Variants in ATOSA observed in about 807,000 individuals in gnomAD.
ATOSA encodes the protein atos homolog A.
the ATOSA span, among the ~76,000 whole-genome samples, chr15:52,626,813 T>C: frequency 6.6e-6 from 1 of 152,300 alleles, no homozygotes; most frequent in Non-Finnish European, 1.5e-5. Context: ...GGAAGAATTA[T>C]GGACAGAGTT....
the ATOSA span, among the ~76,000 whole-genome samples, chr15:52,592,317 G>GT: frequency 3.6e-4 from 55 of 152,220 alleles, no homozygotes; most frequent in African/African-American, 1.2e-3. Flanking sequence ...TTTCTCAAAA[G>GT]TAACACCTAA....
the ATOSA span, chr15:52,609,394 G>A: frequency 1.9e-6 from 3 of 1,613,876 alleles, no homozygotes; most frequent in Non-Finnish European, 2.5e-6. Flanking sequence ...CATGTTGAAT[G>A]ACTGCCGGGG....
At chr15:52,595,333 A>G in the ATOSA span, among the ~76,000 whole-genome samples, 2 of 152,206 alleles carry the variant, frequency 1.3e-5, no homozygotes, top group Non-Finnish European at 1.5e-5. Context: ...TTGTATTCCT[A>G]GCACATAGTA....
chr15:52,581,352 A>C, the ATOSA span: 2 of 152,256 alleles, frequency 1.3e-5, no homozygotes, highest in African/African-American at 4.8e-5. Flanking sequence ...TACAATATAA[A>C]TACTAATTTG....
At chr15:52,583,579 T>A in the ATOSA span, among the ~76,000 whole-genome samples, 1 of 152,116 alleles carries the variant, frequency 6.6e-6, no homozygotes, top group African/African-American at 2.4e-5. Flanking sequence ...AGAGATGGGG[T>A]TTCACCATGT....
chr15:52,618,040 A>G, the ATOSA span, among the ~76,000 whole-genome samples: 141 of 48,378 alleles, frequency 2.9e-3, no homozygotes, highest in African/African-American at 9.4e-3. Flanking sequence ...CCCCTCATCA[A>G]TTTTTCCTTT....
At chr15:52,660,061 T>G in the ATOSA span, among the ~76,000 whole-genome samples, 1 of 152,190 alleles carries the variant, frequency 6.6e-6, no homozygotes, top group African/African-American at 2.4e-5. Flanking sequence ...TATGTTAAAT[T>G]TTTTAAGCGT....
chr15:52,705,972 C>T, the ATOSA span, among the ~76,000 whole-genome samples: 1 of 151,924 alleles, frequency 6.6e-6, no homozygotes, highest in Non-Finnish European at 1.5e-5. Context: ...ATTTATTTAC[C>T]TACTCTCTGA....
At chr15:52,702,558 G>C in the ATOSA span, among the ~76,000 whole-genome samples, 1 of 152,016 alleles carries the variant, frequency 6.6e-6, no homozygotes, top group Non-Finnish European at 1.5e-5. Context: ...GCCAAAGATT[G>C]GGTACTCATG....
the ATOSA span, among the ~76,000 whole-genome samples, chr15:52,591,318 C>A: frequency 1.3e-5 from 2 of 152,186 alleles, no homozygotes; most frequent in Non-Finnish European, 2.9e-5. Flanking sequence ...GCAACCTCTG[C>A]CTCCCGGGTT....
At chr15:52,673,634 G>T in the ATOSA span, among the ~76,000 whole-genome samples, 4 of 152,164 alleles carry the variant, frequency 2.6e-5, no homozygotes, top group African/African-American at 9.7e-5. Context: ...ACCTCTACCT[G>T]GGAATTTAGC....
At chr15:52,694,460 C>T in the ATOSA span, among the ~76,000 whole-genome samples, 4 of 151,970 alleles carry the variant, frequency 2.6e-5, no homozygotes, top group East Asian at 1.9e-4. Context: ...CCACCGCACC[C>T]GGCCTGCTGA....
At chr15:52,687,116 A>G in the ATOSA span, among the ~76,000 whole-genome samples, 2 of 152,262 alleles carry the variant, frequency 1.3e-5, no homozygotes, top group Non-Finnish European at 1.5e-5. Context: ...ATGTTAATAA[A>G]TAATTGCGGC....
the ATOSA span, among the ~76,000 whole-genome samples, chr15:52,661,956 CA>C: frequency 5.3e-5 from 5 of 94,098 alleles, no homozygotes; most frequent in Admixed American, 1.0e-4. Context: ...AAAAAAACAG[CA>C]AAAAAAAGGA....
the ATOSA span, among the ~76,000 whole-genome samples, chr15:52,693,302 C>A: frequency 6.6e-6 from 1 of 152,106 alleles, no homozygotes; most frequent in Admixed American, 6.5e-5. Context: ...TACCTGTAAT[C>A]TCAGCTACTT....
At chr15:52,599,786 C>A in the ATOSA span, among the ~76,000 whole-genome samples, 1 of 152,138 alleles carries the variant, frequency 6.6e-6, no homozygotes, top group Non-Finnish European at 1.5e-5. Flanking sequence ...GAGGGGGCTG[C>A]TATTAGCCCA....
the ATOSA span, among the ~76,000 whole-genome samples, chr15:52,671,481 T>C: frequency 6.6e-6 from 1 of 152,194 alleles, no homozygotes; most frequent in Non-Finnish European, 1.5e-5. Context: ...ACCTACCATG[T>C]ACAAGACTGC....
the ATOSA span, among the ~76,000 whole-genome samples, chr15:52,653,946 TTAAA>T: frequency 7.9e-5 from 12 of 152,312 alleles, no homozygotes; most frequent in East Asian, 2.3e-3. Flanking sequence ...TCTTCATTGT[TTAAA>T]TAAGGAAGTT....
chr15:52,671,891 G>A, the ATOSA span, among the ~76,000 whole-genome samples: 6 of 151,416 alleles, frequency 4.0e-5, no homozygotes, highest in African/African-American at 1.5e-4. Flanking sequence ...GGTAAACAAG[G>A]GGAAGAGATG....
Sources: gnomAD v4.1 joint callset for allele counts (sites outside exome capture counted in the v4.1 genomes callset) on GRCh38, gnomAD v4.1.1 for gene constraint, MANE v1.5 for transcripts, NCBI Gene and HGNC (gene_info 2026-07-23, HGNC 2026-07-21) for gene names.